Variants in DPP9 observed in about 807,000 individuals in gnomAD.
DPP9 encodes dipeptidyl peptidase 9.
A neutral mutation model predicts 110.7 loss-of-function variants in DPP9; 50 were observed. That is an observed-to-expected ratio of 0.45 (90% confidence interval 0.36 to 0.57). DPP9 has a LOEUF of 0.57. Ranked by LOEUF, DPP9 falls within the 20% of genes least tolerant of loss-of-function variation. DPP9 has a pLI of 0.00. For missense variants in DPP9, 1,022 were observed against 1,217.9 expected (o/e 0.84, Z 2.39); for synonymous variants, 561 against 514.4 (o/e 1.09, Z -1.23).
In DPP9 at chr19:4,705,953, G is replaced by A. The variant is rs779854175; in HGVS notation, c.331C>T (p.Arg111Ter). The change falls in exon 5 of 22, where the codon CGA (arginine) becomes TGA (stop). Residue 111 changes from arginine to a stop codon, truncating the protein, a stop_gained. Transcript: ENST00000262960. LOFTEE classifies it high-confidence loss of function. ...TCAGAGTAGAGGAGGGAGTTCTCTC[G>A]GCTGCCATATGGCATTCCTAAAGGG... ...LYYLGMPYGSRENSLLYSEIP... is the reference protein window; with the variant it reads ...LYYLGMPYGS 9 of 1,613,572 alleles carry A rather than the reference G, an allele frequency of 5.6e-6. No homozygotes were observed. The highest frequency in any genetic ancestry group is 5.9e-6 in the Non-Finnish European group (7 of 1,179,696).
Position 4,702,163 on chromosome 19 carries a change from G to C in DPP9, c.884-8C>G. 1 of 1,605,428 alleles carries C rather than the reference G, an allele frequency of 6.2e-7. No homozygotes were observed. Among genetic ancestry groups the C allele is most frequent in the Non-Finnish European group, 8.5e-7 (1 of 1,174,644 alleles). On this transcript the variant is annotated splice_region_variant and splice_polypyrimidine_tract_variant and intron_variant, in intron 8 of 21. Transcript: ENST00000262960. Reference sequence around the variant, plus strand: ...TCTTGAGGCCCTCTGAACCTTGGGTGGGGTGGTGGAAAAACTGCTGAGGGT... The same window carrying C: ...TCTTGAGGCCCTCTGAACCTTGGGTCGGGTGGTGGAAAAACTGCTGAGGGT...
chr19:4,704,294 T>C lies in DPP9; in HGVS notation c.437A>G (p.His146Arg). ...CTCCTCCCGAGAGTAGACCCCATGG[T>C]GGGGCGTGGCCTGGAAACATACAGG... Reference protein sequence around the residue: ...QMLDHFQATPHHGVYSREEEL... With the variant: ...QMLDHFQATPRHGVYSREEEL... Residue 146 changes from histidine to arginine, a missense_variant, in exon 6 of 22, where the codon CAC (histidine) becomes CGC (arginine). His to Arg is a conservative substitution (Grantham distance 29). This residue lies in a region of DPP9 where 810 missense variants were observed against 920.6 expected (regional missense o/e 0.88). Coordinates refer to ENST00000262960, the MANE Select transcript of DPP9 (RefSeq NM_139159.5). The surrounding 1 kb of genome is among the most constrained non-coding windows in gnomAD (Gnocchi z 6.0). 6.2e-7 allele frequency: 1 copy of C among 1,612,548 alleles called. No homozygotes were observed. Among genetic ancestry groups the C allele is most frequent in the Non-Finnish European group, 8.5e-7 (1 of 1,179,772 alleles).
At chr19:4,688,590 G>C (rs886071424) in intron 16 of DPP9, 167 bp downstream of exon 16, 2 of 885,990 alleles carry the variant, frequency 2.3e-6, no homozygotes, top group Non-Finnish European at 3.1e-6. Context: ...AGGGGCTGTG[G>C]CTTATGTCCT....
intron 5 of DPP9, 25 bp downstream of exon 5, chr19:4,705,833 G>A: frequency 6.2e-7 from 1 of 1,610,558 alleles, no homozygotes; most frequent in Non-Finnish European, 8.5e-7. Context: ...CCACGGTAGG[G>A]CCCACGCCTA....
chr19:4,676,606 G>C lies in DPP9; in HGVS notation c.2637C>G (p.His879Gln). 6.2e-7 allele frequency: 1 copy of C among 1,609,200 alleles called. No individual in the cohort carries two copies. The highest frequency in any genetic ancestry group is 8.5e-7 in the Non-Finnish European group (1 of 1,177,870). ...HSIRCPESGE[H>Q]YEVTLLHFLQ... Reference sequence around the variant, plus strand: ...GAAAGTGCAGCAACGTGACTTCATAGTGCTCGCCCGACTCGGGGCAGCGAA... The same window carrying C: ...GAAAGTGCAGCAACGTGACTTCATACTGCTCGCCCGACTCGGGGCAGCGAA... The change falls in exon 22 of 22, where the codon CAC becomes CAG. Residue 879 changes from histidine to glutamine, a missense_variant. Coordinates refer to ENST00000262960, the MANE Select transcript of DPP9 (RefSeq NM_139159.5). The surrounding 1 kb of genome is among the most constrained non-coding windows in gnomAD (Gnocchi z 4.0).
Position 4,695,905 on chromosome 19 carries a change from C to A in DPP9, c.1176-350G>T, listed in dbSNP as rs193198602. Among the ~76,000 whole-genome samples, 44 of 152,182 alleles carry A rather than the reference C, an allele frequency of 2.9e-4. No homozygotes were observed. The highest frequency in any genetic ancestry group is 6.7e-4 in the African/African-American group (28 of 41,520). ...TTTGCTTTATTTTATTTATTTATTT[C>A]TTTATTTAATTTTTTGAGACAGAGT... On this transcript the variant is annotated intron_variant, in intron 11 of 21. Transcript: ENST00000262960. This position sits in a 1 kb window ranked among gnomAD's most constrained non-coding sequence, Gnocchi z 4.7.
At chr19:4,688,721 C>G in intron 16 of DPP9, 36 bp downstream of exon 16, 1 of 1,394,488 alleles carries the variant, frequency 7.2e-7, no homozygotes, top group Non-Finnish European at 9.3e-7. Context: ...GCCGGGCGGG[C>G]GGAGGCCTCC....
chr19:4,679,733 G>C, intron 21 of DPP9, 102 bp downstream of exon 21: 1 of 857,882 alleles, frequency 1.2e-6, no homozygotes, highest in South Asian at 1.5e-5. Flanking sequence ...ATCCCCCAGG[G>C]AGCCCCTGGT....
At chr19:4,719,762 A>G in intron 3 of DPP9, 89 bp downstream of exon 3, 1 of 1,459,910 alleles carries the variant, frequency 6.8e-7, no homozygotes, top group Non-Finnish European at 9.4e-7. Flanking sequence ...GGAGAGGGAA[A>G]GAAGGGGCCT....
At chr19:4,680,076 A>G (rs2089600023) in intron 20 of DPP9, 130 bp from the exon 21 acceptor site, 1 of 626,912 alleles carries the variant, frequency 1.6e-6, no homozygotes, top group African/African-American at 1.9e-5. Flanking sequence ...CTAAAAATAT[A>G]TTTAAAAAAA....
At position 4,685,488 on chromosome 19, in the gene DPP9, G is replaced by A. The variant is rs2090559505; in HGVS notation, c.2031+138C>T. On this transcript the variant is annotated intron_variant, in intron 17 of 21. Coordinates refer to ENST00000262960, the MANE Select transcript of DPP9 (RefSeq NM_139159.5). The surrounding 1 kb of genome is among the most constrained non-coding windows in gnomAD (Gnocchi z 5.8). ...CGAGGACCCTGTGTAGTCAGGGCAG[G>A]CGGGGTGGGCTGGGGCACCAGGCAG... The A allele has an allele frequency of 2.0e-6, 2 of 983,286 alleles. No individual in the cohort carries two copies. The allele number at this position is 983,286 out of a possible 1,614,324, so 60.9% of individuals were successfully genotyped here.
chr19:4,684,243 G>T lies in DPP9; in HGVS notation c.2178+420C>A. 1 of 266,610 alleles carries T rather than the reference G, an allele frequency of 3.8e-6. No individual in the cohort carries two copies. Among genetic ancestry groups the T allele is most frequent in the Non-Finnish European group, 7.4e-6 (1 of 136,026 alleles). The allele number at this position is 266,610 out of a possible 1,614,324, so 16.5% of individuals were successfully genotyped here. On this transcript the variant is annotated intron_variant, in intron 18 of 21. Coordinates refer to ENST00000262960, the MANE Select transcript of DPP9 (RefSeq NM_139159.5). The surrounding 1 kb of genome is among the most constrained non-coding windows in gnomAD (Gnocchi z 4.8). Reference sequence around the variant, plus strand: ...AAGCAGCACAGGGCCTCTCTGGAGGGTTGCTGACCAGGCAACCTCGTGGGA... The same window carrying T: ...AAGCAGCACAGGGCCTCTCTGGAGGTTTGCTGACCAGGCAACCTCGTGGGA...
chr19:4,697,702 C>A, intron 10 of DPP9, 51 bp from the exon 11 acceptor site: 2 of 1,527,634 alleles, frequency 1.3e-6, no homozygotes, highest in East Asian at 2.3e-5. Context: ...CCCGGCGCTG[C>A]TCGGAGGAGA....
At position 4,676,420 on chromosome 19, in the gene DPP9, G is replaced by C; in HGVS notation, c.*144C>G. 2 of 676,376 alleles carry C rather than the reference G, an allele frequency of 3.0e-6. No homozygotes were observed. Among genetic ancestry groups the C allele is most frequent in the Non-Finnish European group, 5.2e-6 (2 of 384,262 alleles). The allele number at this position is 676,376 out of a possible 1,614,324, so 41.9% of individuals were successfully genotyped here. A position where few individuals can be genotyped will look rare whatever the true frequency, so the allele number is the denominator to read the frequency against. On this transcript the variant is annotated 3_prime_UTR_variant, in exon 22 of 22. Coordinates refer to ENST00000262960, the MANE Select transcript of DPP9 (RefSeq NM_139159.5). This position sits in a 1 kb window ranked among gnomAD's most constrained non-coding sequence, Gnocchi z 4.0. Reference sequence around the variant, plus strand: ...GGATAAAAGGCGTCGGGGCGGTGAAGGCAGCGGCTCCTCGGGGCTGGCCAG... The same window carrying C: ...GGATAAAAGGCGTCGGGGCGGTGAACGCAGCGGCTCCTCGGGGCTGGCCAG...
chr19:4,702,678 C>T lies in DPP9; in HGVS notation c.808G>A (p.Val270Met), dbSNP rs1446317177. Residue 270 changes from valine to methionine, a missense_variant, in exon 8 of 22, where the codon GTG becomes ATG. Around this residue, in one of 3 missense-constraint regions of DPP9, gnomAD observed 810 missense variants for 920.6 expected, o/e 0.88. Transcript: ENST00000262960. ...TCTTCCTGTATGACGAAGGTGGCCA[C>T]ACCCGCAGACTTGGGGTCATCCAGG... Reference protein sequence around the residue: ...NVLDDPKSAGVATFVIQEEFD... With the variant: ...NVLDDPKSAGMATFVIQEEFD... 3 of 1,601,776 alleles carry T rather than the reference C, an allele frequency of 1.9e-6. No homozygotes were observed. The highest frequency in any genetic ancestry group is 1.7e-5 in the Admixed American group (1 of 58,434).
At position 4,676,616 on chromosome 19, in the gene DPP9, G is replaced by A; in HGVS notation, c.2627C>T (p.Ser876Leu). The A allele has an allele frequency of 1.2e-6, 2 of 1,609,336 alleles. No individual in the cohort carries two copies. Among genetic ancestry groups the A allele is most frequent in the Non-Finnish European group, 1.7e-6 (2 of 1,177,888 alleles). ...NERHSIRCPESGEHYEVTLLH... is the reference protein window; with the variant it reads ...NERHSIRCPELGEHYEVTLLH... ...CAACGTGACTTCATAGTGCTCGCCC[G>A]ACTCGGGGCAGCGAATACTGTGTCT... Residue 876 changes from serine to leucine, a missense_variant, in exon 22 of 22, where the codon TCG becomes TTG. Ser to Leu is a moderately radical substitution (Grantham distance 145). Coordinates refer to ENST00000262960, the MANE Select transcript of DPP9 (RefSeq NM_139159.5). The surrounding 1 kb of genome is among the most constrained non-coding windows in gnomAD (Gnocchi z 4.0).
intron 21 of DPP9, among the ~76,000 whole-genome samples, chr19:4,677,302 C>T (rs2088986992): frequency 6.6e-6 from 1 of 152,136 alleles, no homozygotes; most frequent in African/African-American, 2.4e-5. Flanking sequence ...TGACGGACAA[C>T]CCCTATAGCT....
chr19:4,704,047 G>A lies in DPP9; in HGVS notation c.608C>T (p.Pro203Leu). 6.2e-7 allele frequency: 1 copy of A among 1,614,032 alleles called. No homozygotes were observed. The highest frequency in any genetic ancestry group is 8.5e-7 in the Non-Finnish European group (1 of 1,179,892). ...DGGKNGFMVS[P>L]MKPLEIKTQC... ...GGTCTTGATTTCCAGCGGTTTCATA[G>A]GGGACACCTGAGGACAGAGACGCCC... Residue 203 changes from proline to leucine, a missense_variant, in exon 7 of 22, where the codon CCT becomes CTT. Transcript: ENST00000262960. This position sits in a 1 kb window ranked among gnomAD's most constrained non-coding sequence, Gnocchi z 6.0.
chr19:4,691,122 C>T (rs1242602396), intron 13 of DPP9, among the ~76,000 whole-genome samples, 165 bp from the exon 14 acceptor site: 4 of 152,166 alleles, frequency 2.6e-5, no homozygotes, highest in African/African-American at 7.2e-5. Flanking sequence ...AGACCTGCCA[C>T]ATGGGCAAGG....
Sources: gnomAD v4.1 joint callset for allele counts (sites outside exome capture counted in the v4.1 genomes callset) on GRCh38, gnomAD v4.1.1 for gene constraint, gnomAD v4.1.1 regional missense constraint, Gnocchi (gnomAD v3.1) non-coding constraint, MANE v1.5 for transcripts, NCBI Gene and HGNC (gene_info 2026-07-23, HGNC 2026-07-21) for gene names.